NKAIN2: variants seen among roughly 807,000 people sequenced by gnomAD.
The protein encoded by NKAIN2 is sodium/potassium transporting ATPase interacting 2.
NKAIN2 carries 14 observed loss-of-function variants against 32.6 expected under a neutral mutation model. That is an observed-to-expected ratio of 0.43 (90% confidence interval 0.28 to 0.67). The LOEUF (loss-of-function observed/expected upper bound fraction) is 0.67, where lower values mean the gene tolerates loss of function less well. Ranked by LOEUF, NKAIN2 falls within the 30% of genes least tolerant of loss-of-function variation. NKAIN2 has a pLI of 0.17. For synonymous variants in NKAIN2, 80 were observed against 87.2 expected, an observed-to-expected ratio of 0.92 and a Z score of 0.46; for missense variants, 198 against 258.3, an observed-to-expected ratio of 0.77 and a Z score of 1.60.
intron 3 of NKAIN2, among the ~76,000 whole-genome samples, chr6:124,539,589 A>G (rs1039720370): frequency 6.6e-6 from 1 of 152,206 alleles, no homozygotes; most frequent in African/African-American, 2.4e-5. Context: ...AAGTAAGAAG[A>G]ATTTTATTAC....
intron 1 of NKAIN2, among the ~76,000 whole-genome samples, chr6:124,102,602 A>G (rs189363066): frequency 4.7e-4 from 72 of 152,314 alleles, no homozygotes; most frequent in Middle Eastern, 3.4e-3. Flanking sequence ...GTATTGATCT[A>G]TAGTGATGCT....
intron 1 of NKAIN2, among the ~76,000 whole-genome samples, chr6:124,065,046 T>C (rs951747483): frequency 2.0e-5 from 3 of 152,170 alleles, no homozygotes; most frequent in Non-Finnish European, 4.4e-5. Context: ...ATCCCACAGA[T>C]TGACTTTTAT....
chr6:124,670,645 CTGTGTGTGTGTG>C (rs57300688), intron 4 of NKAIN2, among the ~76,000 whole-genome samples: 1 of 123,796 alleles, frequency 8.1e-6, no homozygotes, highest in South Asian at 2.9e-4. Context: ...TCTTTGCTTT[CTGTGTGTGTGTG>C]TGTGTGTGTG....
At chr6:124,176,718 CTG>C (rs3055332) in intron 1 of NKAIN2, among the ~76,000 whole-genome samples, 88,951 of 151,702 alleles carry the variant, frequency 0.59, 28,606 homozygotes, top group Non-Finnish European at 0.73. Flanking sequence ...AATTATATGT[CTG>C]TGCTGCTAGA....
intron 3 of NKAIN2, among the ~76,000 whole-genome samples, chr6:124,507,794 G>A (rs1425472649): frequency 6.6e-6 from 1 of 152,038 alleles, no homozygotes; most frequent in Non-Finnish European, 1.5e-5. Context: ...CATTCAGCAT[G>A]GTACCAAACC....
chr6:123,955,158 A>C (rs1433433289), intron 1 of NKAIN2, among the ~76,000 whole-genome samples: 1 of 151,308 alleles, frequency 6.6e-6, no homozygotes, highest in East Asian at 1.9e-4. Flanking sequence ...ATAGGATAGA[A>C]GAGTATATAA....
At chr6:124,731,034 T>C (rs958768099) in intron 4 of NKAIN2, among the ~76,000 whole-genome samples, 11 of 145,438 alleles carry the variant, frequency 7.6e-5, no homozygotes, top group Non-Finnish European at 1.6e-4. Context: ...CCAGGTAGAA[T>C]GGCAATCATT....
Position 124,602,712 on chromosome 6 carries a change from T to A in NKAIN2, c.274-55474T>A, listed in dbSNP as rs574145053. ...TTCTACTTTGGAAACTCAGGAATTG[T>A]TGATCCAGATTTCTTTTTCTAATGT... is the stretch of plus-strand genomic sequence containing the variant. On this transcript the variant is annotated intron_variant, in intron 3 of 6. Coordinates refer to ENST00000368417, the MANE Select transcript of NKAIN2 (RefSeq NM_001040214.3). Among the ~76,000 whole-genome samples the A allele has an allele frequency of 5.3e-5, 8 of 152,066 alleles. No homozygotes were observed. In the East Asian group the frequency reaches 1.5e-3, roughly 29 times the overall value.
chr6:123,907,699 C>T (rs976276728), intron 1 of NKAIN2, among the ~76,000 whole-genome samples: 4 of 152,114 alleles, frequency 2.6e-5, no homozygotes, highest in African/African-American at 9.7e-5. Flanking sequence ...CACTGCTGCC[C>T]CAGCCCAATG....
intron 3 of NKAIN2, among the ~76,000 whole-genome samples, chr6:124,373,554 C>T (rs541155974): frequency 3.9e-5 from 6 of 152,154 alleles, no homozygotes; most frequent in African/African-American, 1.4e-4. Context: ...TTAGGGGAGA[C>T]ACTTAGGGAA....
intron 1 of NKAIN2, among the ~76,000 whole-genome samples, chr6:123,852,302 A>G (rs1198259191): frequency 2.6e-5 from 4 of 151,936 alleles, no homozygotes; most frequent in Non-Finnish European, 5.9e-5. Context: ...TGTGATGAGC[A>G]CTTAAAATCT....
At chr6:124,448,018 A>G (rs1044980692) in intron 3 of NKAIN2, among the ~76,000 whole-genome samples, 1 of 152,008 alleles carries the variant, frequency 6.6e-6, no homozygotes, top group Admixed American at 6.6e-5. Context: ...GCATGGATGT[A>G]TTTTCAGTTT....
At chr6:124,509,663 G>A (rs1164621753) in intron 3 of NKAIN2, among the ~76,000 whole-genome samples, 1 of 152,164 alleles carries the variant, frequency 6.6e-6, no homozygotes, top group East Asian at 1.9e-4. Context: ...AGAAGCCAAG[G>A]TGTTTGATTA....
chr6:124,814,473 G>A (rs2114867946), intron 5 of NKAIN2, among the ~76,000 whole-genome samples: 1 of 152,186 alleles, frequency 6.6e-6, no homozygotes, highest in Non-Finnish European at 1.5e-5. Flanking sequence ...CCCTCTGTTG[G>A]AACTTCTTCC....
intron 1 of NKAIN2, among the ~76,000 whole-genome samples, chr6:123,977,019 C>T (rs1297249350): frequency 6.6e-6 from 1 of 152,154 alleles, no homozygotes; most frequent in Non-Finnish European, 1.5e-5. Flanking sequence ...TATTAATAGT[C>T]CGCTTATTGC....
intron 3 of NKAIN2, among the ~76,000 whole-genome samples, chr6:124,621,602 ACTGT>A (rs1312370479): frequency 6.6e-5 from 10 of 152,132 alleles, no homozygotes; most frequent in Admixed American, 6.5e-5. Flanking sequence ...CAGGTCAGAG[ACTGT>A]CTGTGATCCC....
chr6:123,983,481 T>G (rs986595962), intron 1 of NKAIN2, among the ~76,000 whole-genome samples: 21 of 152,170 alleles, frequency 1.4e-4, no homozygotes, highest in African/African-American at 5.1e-4. Flanking sequence ...GGGAGAGAGC[T>G]AGAAAGAGAC....
intron 3 of NKAIN2, among the ~76,000 whole-genome samples, chr6:124,444,144 A>G (rs1775798412): frequency 6.6e-6 from 1 of 152,074 alleles, no homozygotes; most frequent in Non-Finnish European, 1.5e-5. Context: ...GTTATTGTTG[A>G]TAAATTATTG....
intron 1 of NKAIN2, among the ~76,000 whole-genome samples, chr6:124,153,877 G>T (rs895488918): frequency 1.3e-5 from 2 of 150,266 alleles, no homozygotes; most frequent in African/African-American, 4.9e-5. Flanking sequence ...TATAATGAGA[G>T]TGGGTACTTG....
Sources: allele counts gnomAD v4.1 joint callset (sites outside exome capture counted in the v4.1 genomes callset), GRCh38; gene constraint gnomAD v4.1.1; transcripts MANE v1.5; gene names NCBI Gene and HGNC (gene_info 2026-07-23, HGNC 2026-07-21).